PATJ: variants seen among roughly 807,000 people sequenced by gnomAD.
PATJ encodes the protein PATJ crumbs cell polarity complex component.
A neutral mutation model predicts 224.9 loss-of-function variants in PATJ; 190 were observed. That is an observed-to-expected ratio of 0.84 (90% CI 0.75 to 0.95). The LOEUF is 0.95. Ranked by LOEUF, PATJ falls within the 40% of genes least tolerant of loss-of-function variation. PATJ has a pLI of 0.00. For synonymous variants in PATJ, 769 were observed against 820.3 expected, an observed-to-expected ratio of 0.94 and a Z score of 1.07; for missense variants, 2,121 against 2,270.3, an observed-to-expected ratio of 0.93 and a Z score of 1.34.
intron 26 of PATJ, among the ~76,000 whole-genome samples, chr1:61,919,289 T>C (rs1366705733): frequency 6.6e-6 from 1 of 151,690 alleles, no homozygotes; most frequent in Non-Finnish European, 1.5e-5. Context: ...AAATAATCAT[T>C]TAAGGTTATA....
intron 30 of PATJ, among the ~76,000 whole-genome samples, chr1:62,047,423 A>AT (rs11370376): frequency 0.34 from 51,481 of 151,810 alleles, 9,628 homozygotes; most frequent in Middle Eastern, 0.49. Flanking sequence ...CGCCTGGCTA[A>AT]TTTTTTTGTA....
chr1:62,075,917 CAAAA>C (rs796303716), intron 31 of PATJ, among the ~76,000 whole-genome samples: 1 of 79,866 alleles, frequency 1.3e-5, no homozygotes. Context: ...GACTCCGTCT[CAAAA>C]AAAAAAAAAA....
intron 1 of PATJ, among the ~76,000 whole-genome samples, chr1:61,745,665 G>A (rs994398500): frequency 6.6e-6 from 1 of 151,830 alleles, no homozygotes; most frequent in Admixed American, 6.6e-5. Context: ...GTGCAATGGC[G>A]CTGTCTTGGC....
intron 28 of PATJ, among the ~76,000 whole-genome samples, chr1:61,997,981 C>CTTTTTTTT (rs1445735043): frequency 2.5e-5 from 2 of 78,644 alleles, no homozygotes; most frequent in Non-Finnish European, 5.2e-5. Context: ...CTGTGCCCAG[C>CTTTTTTTT]TTATATATGT....
chr1:61,793,566 C>T (rs1428967830), intron 9 of PATJ, among the ~76,000 whole-genome samples: 5 of 151,726 alleles, frequency 3.3e-5, no homozygotes, highest in African/African-American at 7.3e-5. Flanking sequence ...CATGGTGAAA[C>T]ACTGTCTCTA....
chr1:62,101,365 G>A (rs1193577957), intron 33 of PATJ, among the ~76,000 whole-genome samples: 1 of 148,504 alleles, frequency 6.7e-6, no homozygotes, highest in African/African-American at 2.5e-5. Context: ...CCAGGTTCAA[G>A]TGATTCTCCT....
At chr1:62,082,847 T>C (rs972308543) in intron 32 of PATJ, among the ~76,000 whole-genome samples, 1 of 152,230 alleles carries the variant, frequency 6.6e-6, no homozygotes, top group Admixed American at 6.5e-5. Flanking sequence ...TATAGTCCGC[T>C]GACCCCTGCT....
chr1:61,839,106 T>C (rs1013636849), intron 17 of PATJ, among the ~76,000 whole-genome samples: 7 of 152,096 alleles, frequency 4.6e-5, no homozygotes, highest in Non-Finnish European at 8.8e-5. Flanking sequence ...AGGTCTTTTT[T>C]TTTCTTTCTT....
chr1:61,995,563 C>A (rs750824221), intron 28 of PATJ, among the ~76,000 whole-genome samples: 1 of 152,136 alleles, frequency 6.6e-6, no homozygotes, highest in Non-Finnish European at 1.5e-5. Flanking sequence ...TTTGTTGCTG[C>A]GGGACTGCAC....
rs189837882 is a variant in PATJ at position 62,046,642 on chromosome 1, C to T, written c.4033-4324C>T. On this transcript the variant is annotated intron_variant, in intron 30 of 43. Coordinates refer to ENST00000642238, the MANE Select transcript of PATJ (RefSeq NM_001350145.3). Reference sequence around the variant, plus strand: ...TTCAGTCCCGTCAGGGAGATCAGTTCTGTACATGCATAATTAGGATACAAA... The same window carrying T: ...TTCAGTCCCGTCAGGGAGATCAGTTTTGTACATGCATAATTAGGATACAAA... 1.2e-3 allele frequency among the ~76,000 whole-genome samples: 189 copies of T among 152,262 alleles called. 1 individual carries two copies. The highest frequency in any genetic ancestry group is 4.0e-3 in the African/African-American group (168 of 41,568).
At chr1:62,032,234 T>A (rs1054869524) in intron 29 of PATJ, among the ~76,000 whole-genome samples, 2 of 152,190 alleles carry the variant, frequency 1.3e-5, no homozygotes, top group Non-Finnish European at 2.9e-5. Flanking sequence ...TGCTCTCAGC[T>A]CCTAGAGGTC....
At chr1:61,922,495 A>G (rs1173970718) in intron 26 of PATJ, among the ~76,000 whole-genome samples, 1 of 152,230 alleles carries the variant, frequency 6.6e-6, no homozygotes, top group African/African-American at 2.4e-5. Flanking sequence ...ACTGCCTGGC[A>G]TCATATATAT....
intron 35 of PATJ, chr1:62,114,902 C>T (rs1664276991): frequency 1.3e-5 from 2 of 148,634 alleles, no homozygotes; most frequent in Non-Finnish European, 3.0e-5. Context: ...AAGACCCCAT[C>T]TGTAAATTAA....
intron 27 of PATJ, among the ~76,000 whole-genome samples, chr1:61,968,741 G>C (rs370105938): frequency 6.6e-6 from 1 of 151,760 alleles, no homozygotes; most frequent in Non-Finnish European, 1.5e-5. Flanking sequence ...CCCCGTGTGT[G>C]ATGTTCCCCA....
intron 38 of PATJ, 75 bp downstream of exon 38, chr1:62,121,370 C>T (rs1298399544): frequency 7.8e-6 from 7 of 894,360 alleles, no homozygotes; most frequent in Non-Finnish European, 8.7e-6. Flanking sequence ...TTTTTAAAAA[C>T]CAGTCTTCTT....
At chr1:61,743,938 G>A (rs943847735) in intron 1 of PATJ, among the ~76,000 whole-genome samples, 1 of 152,162 alleles carries the variant, frequency 6.6e-6, no homozygotes, top group Non-Finnish European at 1.5e-5. Context: ...TAAGCTGCGT[G>A]AAAACAGAGT....
At chr1:61,935,551 G>A (rs147408520) in intron 27 of PATJ, among the ~76,000 whole-genome samples, 2 of 152,248 alleles carry the variant, frequency 1.3e-5, no homozygotes, top group East Asian at 3.9e-4. Flanking sequence ...CCAGCACTTT[G>A]GGAGGCCAAG....
Position 62,023,514 on chromosome 1 carries a change from A to G in PATJ, c.3959+5567A>G, listed in dbSNP as rs1200210852. Among the ~76,000 whole-genome samples the G allele has an allele frequency of 2.0e-5, 3 of 152,222 alleles. No individual in the cohort carries two copies. The East Asian group carries it at 5.8e-4, about 29-fold the overall frequency. ...GAAAGGAGGAGACAGAGAATAAACA[A>G]TAGTCTAGTACCTTATCCAGTGATA... On this transcript the variant is annotated intron_variant, in intron 29 of 43. Coordinates refer to ENST00000642238, the MANE Select transcript of PATJ (RefSeq NM_001350145.3).
Position 61,861,626 on chromosome 1 carries a change from A to G in PATJ, c.2398A>G (p.Ile800Val). 6.7e-7 allele frequency: 1 copy of G among 1,481,786 alleles called. No homozygotes were observed. Among genetic ancestry groups the G allele is most frequent in the Admixed American group, 2.4e-5 (1 of 41,440 alleles). 91.8% of individuals were successfully genotyped at this position (1,481,786 alleles called of 1,614,324 possible). ...NEDKTEFSGT[I>V]HDINSSLILE... ...AGACAAGACTGAATTTTCAGGAACA[A>G]TTCATGATATAAATTCATCTTTAAT... Residue 800 changes from isoleucine to valine, a missense_variant, in exon 19 of 44, where the codon ATT becomes GTT. Ile to Val is a conservative substitution (Grantham distance 29). Transcript: ENST00000642238.
Sources: allele counts gnomAD v4.1 joint callset (sites outside exome capture counted in the v4.1 genomes callset), GRCh38; gene constraint gnomAD v4.1.1; transcripts MANE v1.5; gene names NCBI Gene and HGNC (gene_info 2026-07-23, HGNC 2026-07-21).